The following KDM2B variants were observed in gnomAD, a reference collection of about 807,000 sequenced individuals.
The protein encoded by KDM2B is lysine demethylase 2B, also known as lysine-specific demethylase 2B.
In KDM2B, 26 loss-of-function variants were observed where a neutral mutation model predicts 150.0. The observed-to-expected ratio is 0.17, with a 90% CI of 0.13 to 0.24. The LOEUF is 0.24. KDM2B is among the 10% of genes least tolerant of loss of function. The probability of loss-of-function intolerance (pLI) is 1.00; values close to 1 mark genes in which losing one functional copy is unlikely to be tolerated. For synonymous variants in KDM2B, 734 were observed against 729.5 expected, an observed-to-expected ratio of 1.01 and a Z score of -0.10; for missense variants, 1,265 against 1,816.9, an observed-to-expected ratio of 0.70 and a Z score of 5.52.
At chr12:121,456,156 C>T (rs577683522) in intron 12 of KDM2B, among the ~76,000 whole-genome samples, 54 of 152,326 alleles carry the variant, frequency 3.5e-4, no homozygotes, top group African/African-American at 4.3e-4. Flanking sequence ...GCGTGGACTC[C>T]GGTGCTGTGC....
In KDM2B at chr12:121,549,692, C is replaced by A; in HGVS notation, c.398-54G>T. The A allele has an allele frequency of 6.8e-7, 1 of 1,469,036 alleles. No homozygotes were observed. The allele number at this position is 1,469,036 out of a possible 1,614,324, so 91.0% of individuals were successfully genotyped here. ...TCCTGCCGGCTTAAGGCTCCAGATC[C>A]TACATGGGAGCCCCTCACTAAACAA... On this transcript the variant is annotated intron_variant, in intron 4 of 22. Transcript: ENST00000377071. This position sits in a 1 kb window ranked among gnomAD's most constrained non-coding sequence, Gnocchi z 4.4.
rs553766540 is a variant in KDM2B, at chr12:121,430,982, G to A, written c.3830-513C>T. Among the ~76,000 whole-genome samples the A allele has an allele frequency of 3.3e-5, 5 of 152,308 alleles. No individual in the cohort carries two copies. The East Asian group carries it at 7.7e-4, about 24-fold the overall frequency. On this transcript the variant is annotated intron_variant, in intron 22 of 22. Transcript: ENST00000377071. This position sits in a 1 kb window ranked among gnomAD's most constrained non-coding sequence, Gnocchi z 4.4. ...CATTTTTGCTTTTGCAGGCCGCAGT[G>A]CTTTGGAGCAATTCACAGCATGAGG...
the KDM2B span, chr12:121,416,262 G>C: frequency 6.2e-7 from 1 of 1,613,942 alleles, no homozygotes; most frequent in Non-Finnish European, 8.5e-7. Context: ...GGAGCCACCG[G>C]TCCATTCAGA....
chr12:121,570,532 A>G (rs1216344058), intron 4 of KDM2B, among the ~76,000 whole-genome samples: 1 of 152,202 alleles, frequency 6.6e-6, no homozygotes, highest in African/African-American at 2.4e-5. Flanking sequence ...TGGCTGGATC[A>G]TCTGACACAT....
intron 12 of KDM2B, among the ~76,000 whole-genome samples, chr12:121,489,125 A>G (rs1883078559): frequency 1.3e-5 from 2 of 151,564 alleles, no homozygotes; most frequent in Admixed American, 1.3e-4. Flanking sequence ...TGGTATTTTT[A>G]GTAAAGATGG....
intron 12 of KDM2B, among the ~76,000 whole-genome samples, chr12:121,485,280 G>C (rs1882632264): frequency 6.6e-6 from 1 of 152,140 alleles, no homozygotes; most frequent in African/African-American, 2.4e-5. Flanking sequence ...ACTAAGCCTG[G>C]TGGCAAATGG....
chr12:121,560,013 T>C (rs1890225055), intron 4 of KDM2B, among the ~76,000 whole-genome samples: 1 of 152,164 alleles, frequency 6.6e-6, no homozygotes, highest in African/African-American at 2.4e-5. Flanking sequence ...TGTTTTTATA[T>C]GTTTTTATTT....
rs782373681 is a variant in KDM2B at position 121,444,189 on chromosome 12, CTTG to C, written c.2271_2273del (p.Asn757del). Reference sequence around the variant, plus strand: ...TCCGCTTGGCAGGTTCCTGCCCTTCCTTGTTGTCCCGGTTCATCTTCTGCTCCT... The same window carrying C: ...TCCGCTTGGCAGGTTCCTGCCCTTCCTTGTCCCGGTTCATCTTCTGCTCCT... On this transcript the variant is annotated inframe_deletion, in exon 16 of 23. Coordinates refer to ENST00000377071, the MANE Select transcript of KDM2B (RefSeq NM_032590.5). The C allele has an allele frequency of 1.1e-5, 17 of 1,612,830 alleles. No individual in the cohort carries two copies. Among genetic ancestry groups the C allele is most frequent in the African/African-American group, 4.0e-5 (3 of 74,958 alleles).
rs1872853599 is a variant in KDM2B at position 121,430,686 on chromosome 12, A to T, written c.3830-217T>A. ...GGTATAAAGGTTAATATATGCCTCA[A>T]AAGCATTCAGATAACCACGTGAAAA... On this transcript the variant is annotated intron_variant, in intron 22 of 22. Transcript: ENST00000377071. The surrounding 1 kb of genome is among the most constrained non-coding windows in gnomAD (Gnocchi z 4.4). 1 of 573,830 alleles carries T rather than the reference A, an allele frequency of 1.7e-6. No homozygotes were observed. The highest frequency in any genetic ancestry group is 2.8e-5 in the East Asian group (1 of 36,140). 35.5% of individuals were successfully genotyped at this position (573,830 alleles called of 1,614,324 possible). A position where few individuals can be genotyped will look rare whatever the true frequency, so the allele number is the denominator to read the frequency against.
At chr12:121,444,866 C>T (rs1875872180) in intron 14 of KDM2B, 8 of 451,986 alleles carry the variant, frequency 1.8e-5, no homozygotes, top group South Asian at 6.8e-5. Context: ...ATGAGCTCAG[C>T]GCCTGGCATG....
At chr12:121,439,813 T>C in intron 22 of KDM2B, 44 bp downstream of exon 22, 1 of 1,424,074 alleles carries the variant, frequency 7.0e-7, no homozygotes, top group Non-Finnish European at 9.9e-7. Context: ...CTCCTGGTTC[T>C]CCCACGGAGT....
At chr12:121,552,312 C>A (rs1555311942) in intron 4 of KDM2B, among the ~76,000 whole-genome samples, 1 of 152,102 alleles carries the variant, frequency 6.6e-6, no homozygotes, top group African/African-American at 2.4e-5. Flanking sequence ...CATTCTAATG[C>A]CTAAGCCCAG....
intron 17 of KDM2B, 164 bp downstream of exon 17, chr12:121,443,516 T>C: frequency 1.6e-6 from 1 of 622,310 alleles, no homozygotes; most frequent in Non-Finnish European, 2.9e-6. Flanking sequence ...CACAGACAGC[T>C]TCCCAGGCCC....
At chr12:121,423,504 C>A in the KDM2B span, 2 of 1,614,140 alleles carry the variant, frequency 1.2e-6, no homozygotes, top group South Asian at 1.1e-5. The surrounding 1 kb of genome is among the most constrained non-coding windows in gnomAD (Gnocchi z 4.3). Context: ...GCACCAAGTG[C>A]GGCAAGCGCA....
In KDM2B at chr12:121,439,915, G is replaced by A; in HGVS notation, c.3771C>T (p.Asn1257=). 2 of 1,614,250 alleles carry A rather than the reference G, an allele frequency of 1.2e-6. No homozygotes were observed. Among genetic ancestry groups the A allele is most frequent in the Non-Finnish European group, 1.7e-6 (2 of 1,180,038 alleles). ...TGGTGGTGCCAACAGCAGTGAGCAG[G>A]TTGATAGACTGGTCGGTGACGTGGT... ...YCNHVTDQSI[N]LLTAVGTTTR... is the part of the protein sequence containing the mutation. The change falls in exon 22 of 23, where the codon AAC becomes AAT. Residue 1257 remains asparagine, a synonymous_variant. Coordinates refer to ENST00000377071, the MANE Select transcript of KDM2B (RefSeq NM_032590.5).
At chr12:121,475,229 T>C (rs1045841505) in intron 12 of KDM2B, among the ~76,000 whole-genome samples, 1 of 146,452 alleles carries the variant, frequency 6.8e-6, no homozygotes, top group Middle Eastern at 3.6e-3. Context: ...TGTGTGTGTA[T>C]TTCATCAGAC....
In KDM2B at chr12:121,467,092, C is replaced by CT; in HGVS notation, c.1735-13749_1735-13748insA. 1 of 971,734 alleles carries CT rather than the reference C, an allele frequency of 1.0e-6. No homozygotes were observed. Among genetic ancestry groups the CT allele is most frequent in the South Asian group, 2.0e-5 (1 of 49,118 alleles). The allele number at this position is 971,734 out of a possible 1,614,324, so 60.2% of individuals were successfully genotyped here. On this transcript the variant is annotated intron_variant, in intron 12 of 22. Coordinates refer to ENST00000377071, the MANE Select transcript of KDM2B (RefSeq NM_032590.5). This position sits in a 1 kb window ranked among gnomAD's most constrained non-coding sequence, Gnocchi z 5.1. Reference sequence around the variant, plus strand: ...GGCGGCGTCGCGGCCGCCCTCGGCGCGTCAGACAGGCGGTCGGGAGGTCGT... The same window carrying CT: ...GGCGGCGTCGCGGCCGCCCTCGGCGCTGTCAGACAGGCGGTCGGGAGGTCGT...
In KDM2B at chr12:121,452,991, C is replaced by T; in HGVS notation, c.1959+129G>A. 3.6e-6 allele frequency: 3 copies of T among 836,482 alleles called. 1 individual carries two copies. The highest frequency in any genetic ancestry group is 3.6e-5 in the South Asian group (2 of 54,798). 51.8% of individuals were successfully genotyped at this position (836,482 alleles called of 1,614,324 possible). On this transcript the variant is annotated intron_variant, in intron 13 of 22. Coordinates refer to ENST00000377071, the MANE Select transcript of KDM2B (RefSeq NM_032590.5). The surrounding 1 kb of genome is among the most constrained non-coding windows in gnomAD (Gnocchi z 4.4). Reference sequence around the variant, plus strand: ...AGCGCCTTCCCGTCCACAGGAAGAGCTCTCGGGGAGTCCACAGCCCCGGCT... The same window carrying T: ...AGCGCCTTCCCGTCCACAGGAAGAGTTCTCGGGGAGTCCACAGCCCCGGCT...
chr12:121,554,997 A>G (rs907137184), intron 4 of KDM2B, among the ~76,000 whole-genome samples: 4 of 152,076 alleles, frequency 2.6e-5, no homozygotes. Context: ...ACCAGCCTGG[A>G]TAACATGTCA....
Sources: allele counts gnomAD v4.1 joint callset (sites outside exome capture counted in the v4.1 genomes callset), GRCh38; gene constraint gnomAD v4.1.1; non-coding constraint Gnocchi (gnomAD v3.1); transcripts MANE v1.5; gene names NCBI Gene and HGNC (gene_info 2026-07-23, HGNC 2026-07-21).